DLG1: variants seen among roughly 807,000 people sequenced by gnomAD.
The protein encoded by DLG1 is discs large MAGUK scaffold protein 1.
A neutral mutation model predicts 123.4 loss-of-function variants in DLG1; 42 were observed. The ratio of observed to expected loss-of-function variants is 0.34; its 90% confidence interval spans 0.27 to 0.44. DLG1 has a LOEUF of 0.44. Ranked by LOEUF, DLG1 falls within the 20% of genes least tolerant of loss-of-function variation. DLG1 has a pLI of 1.00. For synonymous variants in DLG1, 317 were observed against 356.2 expected (o/e 0.89, Z 1.24); for missense variants, 942 against 1,082.6 (o/e 0.87, Z 1.82).
chr3:197,158,316 G>A (rs1797228611), intron 5 of DLG1, among the ~76,000 whole-genome samples: 2 of 151,928 alleles, frequency 1.3e-5, no homozygotes, highest in East Asian at 1.9e-4. Context: ...TGTGCACTTT[G>A]GTGGAAATAT....
At chr3:197,285,321 C>T (rs1771326150) in intron 3 of DLG1, among the ~76,000 whole-genome samples, 1 of 151,874 alleles carries the variant, frequency 6.6e-6, no homozygotes, top group African/African-American at 2.4e-5. Flanking sequence ...AAACATTTCT[C>T]AAACTAAAGA....
At chr3:197,158,766 G>A (rs1797572496) in intron 5 of DLG1, among the ~76,000 whole-genome samples, 1 of 151,610 alleles carries the variant, frequency 6.6e-6, no homozygotes, top group Admixed American at 6.6e-5. Flanking sequence ...CACCTAGTAG[G>A]CCCCTAGAGG....
At chr3:197,248,744 C>G (rs1007767502) in intron 4 of DLG1, among the ~76,000 whole-genome samples, 1 of 152,102 alleles carries the variant, frequency 6.6e-6, no homozygotes, top group African/African-American at 2.4e-5. Context: ...ATTTTTTGTA[C>G]CTAACAACTT....
At chr3:197,200,594 G>T (rs1028640277) in intron 4 of DLG1, among the ~76,000 whole-genome samples, 2 of 151,992 alleles carry the variant, frequency 1.3e-5, no homozygotes, top group African/African-American at 4.8e-5. Flanking sequence ...CTAGCAAATC[G>T]AACCCGACAG....
At chr3:197,164,677 A>C (rs1282475404) in intron 5 of DLG1, among the ~76,000 whole-genome samples, 1 of 151,384 alleles carries the variant, frequency 6.6e-6, no homozygotes, top group African/African-American at 2.4e-5. Context: ...CGCGGCAGGC[A>C]GATCACCTGA....
intron 5 of DLG1, among the ~76,000 whole-genome samples, chr3:197,172,546 T>C (rs975775407): frequency 6.6e-6 from 1 of 152,198 alleles, no homozygotes; most frequent in African/African-American, 2.4e-5. Context: ...TATATATTTG[T>C]TGAATGAATA....
rs116884698 is a variant in DLG1, at chr3:197,258,657, C to T, written c.318+24022G>A. ...CAACTACACTGTCAGACTTTTAAAA[C>T]ACATATAGAATCACAAAGCTCTCTA... On this transcript the variant is annotated intron_variant, in intron 4 of 24. Coordinates refer to ENST00000667157, the MANE Select transcript of DLG1 (RefSeq NM_001366207.1). Among the ~76,000 whole-genome samples the T allele has an allele frequency of 7.4e-4, 112 of 152,176 alleles. 1 individual carries two copies. The East Asian group carries it at 0.02, about 28-fold the overall frequency.
intron 5 of DLG1, among the ~76,000 whole-genome samples, chr3:197,192,389 C>T (rs1051605967): frequency 1.2e-4 from 18 of 151,574 alleles, no homozygotes; most frequent in South Asian, 8.3e-4. Context: ...GAAAAGAAGG[C>T]TGGTAATTAG....
chr3:197,288,654 G>A (rs2151210597), intron 3 of DLG1, among the ~76,000 whole-genome samples: 1 of 149,506 alleles, frequency 6.7e-6, no homozygotes, highest in Admixed American at 6.7e-5. Context: ...CTAGGAGGCG[G>A]AGGTTGTGGT....
At chr3:197,206,065 T>A (rs1728354865) in intron 4 of DLG1, among the ~76,000 whole-genome samples, 1 of 152,196 alleles carries the variant, frequency 6.6e-6, no homozygotes, top group Non-Finnish European at 1.5e-5. Flanking sequence ...GTTAATTTCC[T>A]TTTGCCATGT....
rs964619461 is a variant in DLG1, at chr3:197,049,511, T to G, written c.2575+2066A>C. Among the ~76,000 whole-genome samples the G allele has an allele frequency of 2.6e-5, 4 of 152,186 alleles. No individual in the cohort carries two copies. In the East Asian group the frequency reaches 7.8e-4, roughly 30 times the overall value. On this transcript the variant is annotated intron_variant, in intron 24 of 24. Transcript: ENST00000667157. ...GGCTCACGCCTGTAGTCCCGGCACT[T>G]TGGGAGGCCAAGGCGGGCGGATCAC...
At chr3:197,280,338 TG>T (rs1579277057) in intron 4 of DLG1, among the ~76,000 whole-genome samples, 4 of 8,874 alleles carry the variant, frequency 4.5e-4, no homozygotes, top group Non-Finnish European at 1.0e-3. Flanking sequence ...TAGTCCATTT[TG>T]TGTGTGTGTG....
At chr3:197,249,525 C>T (rs1275196947) in intron 4 of DLG1, among the ~76,000 whole-genome samples, 1 of 151,976 alleles carries the variant, frequency 6.6e-6, no homozygotes, top group Non-Finnish European at 1.5e-5. Flanking sequence ...TACTCAAACT[C>T]TTTAAAAAAA....
rs574620601 is a variant in DLG1, at chr3:197,245,159, G to A, written c.318+37520C>T. On this transcript the variant is annotated intron_variant, in intron 4 of 24. Coordinates refer to ENST00000667157, the MANE Select transcript of DLG1 (RefSeq NM_001366207.1). Reference sequence around the variant, plus strand: ...TCTTTCTGATGAAGGTGGGTGCCAGGGGGTATGGTATTCCCACTTTATTTC... The same window carrying A: ...TCTTTCTGATGAAGGTGGGTGCCAGAGGGTATGGTATTCCCACTTTATTTC... Among the ~76,000 whole-genome samples, 74 of 152,214 alleles carry A rather than the reference G, an allele frequency of 4.9e-4. 1 individual carries two copies. Among genetic ancestry groups the A allele is most frequent in the African/African-American group, 1.5e-3 (62 of 41,544 alleles).
chr3:197,249,006 T>C (rs1210370523), intron 4 of DLG1, among the ~76,000 whole-genome samples: 1 of 151,752 alleles, frequency 6.6e-6, no homozygotes, highest in Non-Finnish European at 1.5e-5. Context: ...TGAGAAAGAC[T>C]TCAAAGAAAT....
At chr3:197,105,788 A>T (rs890071176) in intron 13 of DLG1, among the ~76,000 whole-genome samples, 1 of 152,236 alleles carries the variant, frequency 6.6e-6, no homozygotes, top group African/African-American at 2.4e-5. Flanking sequence ...ACATTCATGG[A>T]AGCATTATAC....
intron 18 of DLG1, 143 bp from the exon 19 acceptor site, chr3:197,069,403 T>G (rs1742054640): frequency 2.1e-6 from 1 of 481,844 alleles, no homozygotes; most frequent in Non-Finnish European, 3.6e-6. Flanking sequence ...AACGTTTAAG[T>G]TTTTCAAATA....
chr3:197,292,650 T>C (rs1775507504), intron 3 of DLG1, among the ~76,000 whole-genome samples: 1 of 152,196 alleles, frequency 6.6e-6, no homozygotes, highest in Admixed American at 6.5e-5. Context: ...TGTCCTTTTA[T>C]AAGGGCTAGT....
At chr3:197,249,812 A>G (rs1460539321) in intron 4 of DLG1, among the ~76,000 whole-genome samples, 1 of 152,178 alleles carries the variant, frequency 6.6e-6, no homozygotes, top group Non-Finnish European at 1.5e-5. Context: ...CGAAAACAAA[A>G]ACCATGATTA....
Sources: allele counts gnomAD v4.1 joint callset (sites outside exome capture counted in the v4.1 genomes callset), GRCh38; gene constraint gnomAD v4.1.1; transcripts MANE v1.5; gene names NCBI Gene and HGNC (gene_info 2026-07-23, HGNC 2026-07-21).